The following PBX1 variants were observed in gnomAD, a reference collection of about 807,000 sequenced individuals.
The protein encoded by PBX1 is pre-B-cell leukemia transcription factor 1.
A neutral mutation model predicts 53.4 loss-of-function variants in PBX1; 6 were observed. The ratio of observed to expected loss-of-function variants is 0.11; its 90% CI spans 0.06 to 0.22. The LOEUF (loss-of-function observed/expected upper bound fraction) is 0.22, where lower values mean the gene tolerates loss of function less well. PBX1 is among the 10% of genes least tolerant of loss of function. The pLI is 1.00. For synonymous variants in PBX1, 204 were observed against 212.3 expected (o/e 0.96, Z 0.34); for missense variants, 251 against 551.4 (o/e 0.46, Z 5.46).
chr1:164,760,221 T>G (rs970220599), intron 2 of PBX1, among the ~76,000 whole-genome samples: 1 of 152,150 alleles, frequency 6.6e-6, no homozygotes, highest in African/African-American at 2.4e-5. Context: ...CAGCCCTGAT[T>G]AACCGAATCA....
At chr1:164,859,627 C>G (rs1156856781) in intron 2 of PBX1, among the ~76,000 whole-genome samples, 1 of 152,194 alleles carries the variant, frequency 6.6e-6, no homozygotes, top group Non-Finnish European at 1.5e-5. Flanking sequence ...TGTGAGTCCT[C>G]TTGGCCCCTC....
intron 2 of PBX1, among the ~76,000 whole-genome samples, chr1:164,704,076 C>T (rs1663285984): frequency 1.3e-5 from 2 of 152,022 alleles, no homozygotes; most frequent in South Asian, 4.1e-4. Context: ...ATAATTTATT[C>T]CTGTTAGCTG....
At chr1:164,798,129 C>T (rs1214870376) in intron 3 of PBX1, among the ~76,000 whole-genome samples, 1 of 152,206 alleles carries the variant, frequency 6.6e-6, no homozygotes, top group African/African-American at 2.4e-5. Context: ...CCAGGCCTCC[C>T]ATTCACCAGT....
At chr1:164,737,725 C>T (rs1346235009) in intron 2 of PBX1, among the ~76,000 whole-genome samples, 3 of 152,100 alleles carry the variant, frequency 2.0e-5, no homozygotes, top group East Asian at 1.9e-4. Flanking sequence ...GTGATCTGCC[C>T]GCCTTGGCCT....
chr1:164,578,293 G>C (rs1654394284), intron 2 of PBX1, among the ~76,000 whole-genome samples: 1 of 152,164 alleles, frequency 6.6e-6, no homozygotes, highest in African/African-American at 2.4e-5. Context: ...AAATATTTTT[G>C]AATGCCCTAT....
intron 2 of PBX1, among the ~76,000 whole-genome samples, chr1:164,759,947 A>T (rs1200439371): frequency 6.6e-6 from 1 of 152,098 alleles, no homozygotes; most frequent in East Asian, 1.9e-4. Flanking sequence ...GCCCGACTAG[A>T]TCCCCCTAAA....
chr1:164,610,817 C>T (rs1006429728), intron 2 of PBX1, among the ~76,000 whole-genome samples: 1 of 152,212 alleles, frequency 6.6e-6, no homozygotes, highest in Non-Finnish European at 1.5e-5. Context: ...CTCCCCTCTC[C>T]TTAAAATCTG....
chr1:164,763,494 A>G (rs1666911301), intron 2 of PBX1, among the ~76,000 whole-genome samples: 1 of 152,232 alleles, frequency 6.6e-6, no homozygotes, highest in Non-Finnish European at 1.5e-5. Context: ...AGTCTTGGAC[A>G]TGTAGCTGGG....
chr1:164,836,672 C>T (rs1261175738), intron 8 of PBX1, among the ~76,000 whole-genome samples: 1 of 152,164 alleles, frequency 6.6e-6, no homozygotes, highest in African/African-American at 2.4e-5. Context: ...CAAGCCTGGG[C>T]CTGCTTCCCA....
intron 2 of PBX1, among the ~76,000 whole-genome samples, chr1:164,733,277 A>C (rs1276547324): frequency 6.6e-6 from 1 of 152,084 alleles, no homozygotes. Flanking sequence ...TTGATGTCGG[A>C]CCTTGTGACT....
intron 2 of PBX1, among the ~76,000 whole-genome samples, chr1:164,658,007 C>G (rs1485374907): frequency 6.6e-6 from 1 of 152,018 alleles, no homozygotes; most frequent in Non-Finnish European, 1.5e-5. Flanking sequence ...CATTCGTGTC[C>G]CACTGTCAGG....
At chr1:164,885,550 G>T (rs576987582) in intron 2 of PBX1, among the ~76,000 whole-genome samples, 6 of 152,270 alleles carry the variant, frequency 3.9e-5, no homozygotes, top group South Asian at 2.1e-4. Flanking sequence ...CTCACACTAC[G>T]TCGCTGGGCA....
chr1:164,664,254 A>G (rs540590369), intron 2 of PBX1, among the ~76,000 whole-genome samples: 2 of 152,324 alleles, frequency 1.3e-5, no homozygotes, highest in African/African-American at 2.4e-5. Context: ...CAGGCGGACC[A>G]TGTCTAGGTG....
At chr1:164,674,086 G>A (rs2101979578) in intron 2 of PBX1, among the ~76,000 whole-genome samples, 1 of 152,258 alleles carries the variant, frequency 6.6e-6, no homozygotes, top group East Asian at 1.9e-4. Context: ...CCAGCTGGCC[G>A]TTCACCAGGT....
At chr1:164,626,593 T>C (rs910941575) in intron 2 of PBX1, among the ~76,000 whole-genome samples, 5 of 152,226 alleles carry the variant, frequency 3.3e-5, no homozygotes, top group African/African-American at 1.2e-4. Context: ...TCTTCCATAA[T>C]CCAACCTAAA....
intron 2 of PBX1, among the ~76,000 whole-genome samples, chr1:164,733,851 C>T (rs972714756): frequency 3.3e-5 from 5 of 151,914 alleles, no homozygotes; most frequent in African/African-American, 7.3e-5. Flanking sequence ...TAAACTTGAC[C>T]GACTAAAAGA....
intron 2 of PBX1, among the ~76,000 whole-genome samples, chr1:164,669,108 CCCT>C: frequency 6.6e-6 from 1 of 152,050 alleles, no homozygotes; most frequent in East Asian, 1.9e-4. Flanking sequence ...CCCTCTTCTT[CCCT>C]CCTCTTTGTG....
intron 2 of PBX1, among the ~76,000 whole-genome samples, chr1:164,681,355 A>AT (rs1661761706): frequency 6.6e-6 from 1 of 152,244 alleles, no homozygotes. Flanking sequence ...TTATACCTGT[A>AT]TATACATATT....
intron 2 of PBX1, among the ~76,000 whole-genome samples, chr1:164,717,135 A>G (rs563676617): frequency 6.6e-6 from 1 of 152,286 alleles, no homozygotes; most frequent in South Asian, 2.1e-4. Context: ...TTGTACGGGT[A>G]AAATAAAGGA....
Sources: gnomAD v4.1 joint callset for allele counts (sites outside exome capture counted in the v4.1 genomes callset) on GRCh38, gnomAD v4.1.1 for gene constraint, MANE v1.5 for transcripts, NCBI Gene and HGNC (gene_info 2026-07-23, HGNC 2026-07-21) for gene names.